NME5: variants seen among roughly 807,000 people sequenced by gnomAD.
The protein encoded by NME5 is nucleoside diphosphate kinase 5.
A neutral mutation model predicts 21.6 loss-of-function variants in NME5; 18 were observed. That is an observed-to-expected ratio of 0.83 (90% CI 0.58 to 1.24). NME5 has a LOEUF of 1.24. Among genes scored for constraint, NME5 ranks in the 50% most tolerant of loss-of-function variants. The pLI is 0.00. For synonymous variants in NME5, 70 were observed against 80.6 expected, an observed-to-expected ratio of 0.87 and a Z score of 0.71; for missense variants, 223 against 255.4, an observed-to-expected ratio of 0.87 and a Z score of 0.86.
intron 2 of NME5, among the ~76,000 whole-genome samples, chr5:138,136,659 T>A (rs1462614447): frequency 6.6e-6 from 1 of 152,004 alleles, no homozygotes; most frequent in African/African-American, 2.4e-5. Context: ...AAAATTTTTT[T>A]TTTCGAGAGT....
intron 2 of NME5, among the ~76,000 whole-genome samples, chr5:138,130,542 A>G (rs1274965755): frequency 6.6e-6 from 1 of 152,032 alleles, no homozygotes; most frequent in East Asian, 1.9e-4. Context: ...TAATCCCAAC[A>G]CTCTGGGAGG....
chr5:138,115,814 C>T (rs1414633946), intron 5 of NME5, 50 bp from the exon 6 acceptor site: 5 of 1,256,410 alleles, frequency 4.0e-6, no homozygotes, highest in African/African-American at 1.5e-5. Flanking sequence ...TACATATTTC[C>T]TTTCAATATA....
rs1037103107 is a variant in NME5, at chr5:138,122,746, C to T, written c.437-3810G>A. ...AGGCTGGAGTGCAGTGGTGCGATCT[C>T]GGTTCACTGCAACCTCTGCCTCCTG... is the stretch of plus-strand genomic sequence containing the variant. On this transcript the variant is annotated intron_variant, in intron 4 of 5. Transcript: ENST00000265191. Among the ~76,000 whole-genome samples the T allele has an allele frequency of 4.0e-5, 6 of 150,574 alleles. No homozygotes were observed. In the East Asian group the frequency reaches 9.8e-4, roughly 25 times the overall value.
At chr5:138,119,174 G>A (rs537687662) in intron 4 of NME5, among the ~76,000 whole-genome samples, 1 of 151,864 alleles carries the variant, frequency 6.6e-6, no homozygotes, top group East Asian at 1.9e-4. Flanking sequence ...CTACAGGTCC[G>A]CATCACCACA....
chr5:138,132,780 G>T (rs550023033), intron 2 of NME5, among the ~76,000 whole-genome samples: 1 of 152,244 alleles, frequency 6.6e-6, no homozygotes, highest in Admixed American at 6.5e-5. Context: ...CCAGTGAAGG[G>T]CCAGTTACTA....
chr5:138,135,314 C>T (rs1416200167), intron 2 of NME5, among the ~76,000 whole-genome samples: 2 of 142,758 alleles, frequency 1.4e-5, no homozygotes, highest in Non-Finnish European at 3.1e-5. Context: ...AGCGAGACTC[C>T]GTCTCAAAAA....
At chr5:138,138,016 A>G (rs1751746407) in intron 2 of NME5, among the ~76,000 whole-genome samples, 1 of 152,112 alleles carries the variant, frequency 6.6e-6, no homozygotes, top group Non-Finnish European at 1.5e-5. Context: ...AAAAAAAGAA[A>G]AAAAAACTAT....
chr5:138,135,337 CTT>C (rs955248302), intron 2 of NME5, among the ~76,000 whole-genome samples: 2 of 147,376 alleles, frequency 1.4e-5, no homozygotes, highest in African/African-American at 5.0e-5. Context: ...AAAAAAAGGA[CTT>C]TTTTTTCTTT....
intron 4 of NME5, among the ~76,000 whole-genome samples, chr5:138,121,849 A>T (rs1751291972): frequency 1.3e-5 from 2 of 151,962 alleles, no homozygotes; most frequent in South Asian, 4.1e-4. Flanking sequence ...TTACATTAAA[A>T]TTTTCTTTAA....
At chr5:138,135,660 A>AATGGG (rs1435156029) in intron 2 of NME5, among the ~76,000 whole-genome samples, 1 of 152,128 alleles carries the variant, frequency 6.6e-6, no homozygotes, top group African/African-American at 2.4e-5. Context: ...AAAAAACTTA[A>AATGGG]ATGGGACGCC....
chr5:138,121,674 C>T (rs1751288414), intron 4 of NME5, among the ~76,000 whole-genome samples: 1 of 152,144 alleles, frequency 6.6e-6, no homozygotes. Context: ...ATATCACTGT[C>T]ATACCGTCTT....
chr5:138,115,782 A>C lies in NME5; in HGVS notation c.556-18T>G, dbSNP rs755853494. The stretch of plus-strand genomic sequence containing the variant: ...AGCCAAATCTATGGGAAAAAAAAAA[A>C]CAACCTAAGTTAAGAAACAGTTACA... On this transcript the variant is annotated intron_variant, in intron 5 of 5. Coordinates refer to ENST00000265191, the MANE Select transcript of NME5 (RefSeq NM_003551.3). The C allele has an allele frequency of 7.3e-6, 11 of 1,516,440 alleles. No individual in the cohort carries two copies. The East Asian group carries it at 1.8e-4, about 25-fold the overall frequency. The allele number at this position is 1,516,440 out of a possible 1,614,324, so 93.9% of individuals were successfully genotyped here.
intron 2 of NME5, among the ~76,000 whole-genome samples, chr5:138,137,320 T>C (rs1020826889): frequency 1.3e-5 from 2 of 151,860 alleles, no homozygotes; most frequent in Non-Finnish European, 2.9e-5. Context: ...TTCTCTTTAT[T>C]TATTTATTTA....
At chr5:138,116,639 G>A (rs565188379) in intron 5 of NME5, 8 of 152,412 alleles carry the variant, frequency 5.2e-5, no homozygotes, top group Admixed American at 4.6e-4. Context: ...CATGGCTCCT[G>A]TGCAAGGATG....
At chr5:138,139,225 C>T in intron 1 of NME5, 146 bp downstream of exon 1, 1 of 345,888 alleles carries the variant, frequency 2.9e-6, no homozygotes, top group Non-Finnish European at 4.1e-6. Context: ...GCGGCCTCGG[C>T]CAGCTGCCTC....
chr5:138,116,737 A>ACG (rs1751165121), intron 5 of NME5: 1 of 153,754 alleles, frequency 6.5e-6, no homozygotes, highest in Non-Finnish European at 1.5e-5. Context: ...CAAATTTTTG[A>ACG]CAATGGTACC....
At chr5:138,118,493 A>AT (rs925234365) in intron 5 of NME5, among the ~76,000 whole-genome samples, 2 of 147,640 alleles carry the variant, frequency 1.4e-5, no homozygotes, top group Admixed American at 6.8e-5. Flanking sequence ...AGAAAAAAAA[A>AT]TTTTTTTTTT....
intron 2 of NME5, among the ~76,000 whole-genome samples, chr5:138,134,724 T>G (rs1751652287): frequency 6.9e-6 from 1 of 145,328 alleles, no homozygotes; most frequent in East Asian, 2.3e-4. Flanking sequence ...TTATTAAGTT[T>G]GTCACTTTTT....
chr5:138,138,936 C>A, intron 1 of NME5, 151 bp from the exon 2 acceptor site: 1 of 702,278 alleles, frequency 1.4e-6, no homozygotes. Context: ...GTAGAAACTG[C>A]CATGTTTTTC....
Sources: allele counts gnomAD v4.1 joint callset (sites outside exome capture counted in the v4.1 genomes callset), GRCh38; gene constraint gnomAD v4.1.1; transcripts MANE v1.5; gene names NCBI Gene and HGNC (gene_info 2026-07-23, HGNC 2026-07-21).